Variants in PLXDC2 observed in about 807,000 individuals in gnomAD.
PLXDC2 encodes plexin domain-containing protein 2.
PLXDC2 carries 40 observed loss-of-function variants against 68.9 expected under a neutral mutation model. The observed-to-expected ratio is 0.58, with a 90% confidence interval of 0.45 to 0.76. The LOEUF (loss-of-function observed/expected upper bound fraction) is 0.76, where lower values mean the gene tolerates loss of function less well. PLXDC2 is among the 30% of genes least tolerant of loss of function. PLXDC2 has a pLI of 0.00. For synonymous variants in PLXDC2, 243 were observed against 234.2 expected, an observed-to-expected ratio of 1.04 and a Z score of -0.34; for missense variants, 644 against 661.9, an observed-to-expected ratio of 0.97 and a Z score of 0.30.
intron 1 of PLXDC2, among the ~76,000 whole-genome samples, chr10:19,853,668 A>G (rs1289159750): frequency 6.6e-6 from 1 of 151,154 alleles, no homozygotes; most frequent in African/African-American, 2.4e-5. Context: ...GGGGGTTGCA[A>G]TTTCTCGAAA....
At chr10:19,887,955 T>A (rs552338453) in intron 1 of PLXDC2, among the ~76,000 whole-genome samples, 19 of 152,250 alleles carry the variant, frequency 1.2e-4, no homozygotes, top group Non-Finnish European at 2.4e-4. Flanking sequence ...TTTGAATTAC[T>A]TCTGCACAGC....
rs564255100 is a variant in PLXDC2, at chr10:20,251,714, T to C, written c.1473+6209T>C. 2.6e-5 allele frequency among the ~76,000 whole-genome samples: 4 copies of C among 152,290 alleles called. No homozygotes were observed. The South Asian group carries it at 8.3e-4, about 32-fold the overall frequency. On this transcript the variant is annotated intron_variant, in intron 13 of 13. Coordinates refer to ENST00000377252, the MANE Select transcript of PLXDC2 (RefSeq NM_032812.9). Reference sequence around the variant, plus strand: ...AATCAACATTCCTATGAAAGGATTCTATTTGGACTATAACGAAATAGTTTA... The same window carrying C: ...AATCAACATTCCTATGAAAGGATTCCATTTGGACTATAACGAAATAGTTTA...
rs142138650 is a variant in PLXDC2 at position 19,925,626 on chromosome 10, G to T, written c.113-76149G>T. Among the ~76,000 whole-genome samples the T allele has an allele frequency of 9.3e-3, 1,417 of 152,212 alleles. 9 individuals carry two copies. Among genetic ancestry groups the T allele is most frequent in the Admixed American group, 0.018 (278 of 15,288 alleles). On this transcript the variant is annotated intron_variant, in intron 1 of 13. Coordinates refer to ENST00000377252, the MANE Select transcript of PLXDC2 (RefSeq NM_032812.9). ...CATTTTTTCCTATTGTTCTCATATT[G>T]TGGGGAGACATTGGTTGTGAGAGTA...
At chr10:20,186,810 C>G (rs1834690902) in intron 9 of PLXDC2, among the ~76,000 whole-genome samples, 1 of 151,886 alleles carries the variant, frequency 6.6e-6, no homozygotes, top group Non-Finnish European at 1.5e-5. Context: ...TTTATCCAGT[C>G]TACCATTGAT....
At chr10:20,247,319 A>T (rs1835611765) in intron 13 of PLXDC2, among the ~76,000 whole-genome samples, 1 of 151,630 alleles carries the variant, frequency 6.6e-6, no homozygotes. Flanking sequence ...AAAGAAAAAA[A>T]GAAAAAAATG....
At chr10:20,095,728 A>G (rs1833341179) in intron 4 of PLXDC2, among the ~76,000 whole-genome samples, 1 of 152,150 alleles carries the variant, frequency 6.6e-6, no homozygotes, top group African/African-American at 2.4e-5. Context: ...TATTTTAGGC[A>G]GACGAGTTGT....
chr10:20,147,362 A>G (rs2131797134), intron 5 of PLXDC2, among the ~76,000 whole-genome samples: 1 of 152,358 alleles, frequency 6.6e-6, no homozygotes, highest in South Asian at 2.1e-4. Flanking sequence ...AGACATTTTC[A>G]GGTCTTTTGT....
intron 9 of PLXDC2, among the ~76,000 whole-genome samples, chr10:20,192,323 T>C (rs1176600786): frequency 6.6e-6 from 1 of 152,062 alleles, no homozygotes; most frequent in Non-Finnish European, 1.5e-5. Context: ...AACGTTTTAC[T>C]AGCTTATGTG....
intron 3 of PLXDC2, among the ~76,000 whole-genome samples, chr10:20,058,289 C>T (rs1836036266): frequency 6.6e-6 from 1 of 152,106 alleles, no homozygotes; most frequent in Middle Eastern, 3.2e-3. Context: ...AACGTTTCAT[C>T]CTAACATGCT....
intron 1 of PLXDC2, among the ~76,000 whole-genome samples, chr10:19,907,374 T>C (rs1043903135): frequency 2.0e-5 from 3 of 152,322 alleles, no homozygotes; most frequent in South Asian, 2.1e-4. Flanking sequence ...GTTTATGATG[T>C]CCTCACCCTC....
At chr10:20,146,890 T>C (rs1834088101) in intron 5 of PLXDC2, among the ~76,000 whole-genome samples, 1 of 152,148 alleles carries the variant, frequency 6.6e-6, no homozygotes, top group African/African-American at 2.4e-5. Context: ...TAAGATTTGC[T>C]CTTTTAGTTC....
intron 12 of PLXDC2, among the ~76,000 whole-genome samples, chr10:20,221,673 A>G (rs1835214179): frequency 6.6e-6 from 1 of 152,232 alleles, no homozygotes; most frequent in East Asian, 1.9e-4. Context: ...AAGGATTACC[A>G]ATTTAAATCT....
At chr10:20,003,280 G>T (rs1834972692) in intron 2 of PLXDC2, among the ~76,000 whole-genome samples, 1 of 152,194 alleles carries the variant, frequency 6.6e-6, no homozygotes, top group Non-Finnish European at 1.5e-5. Context: ...CTCAGGCACG[G>T]CTTCGGCTGC....
intron 9 of PLXDC2, among the ~76,000 whole-genome samples, chr10:20,204,697 G>A (rs1306133891): frequency 1.3e-5 from 2 of 152,124 alleles, no homozygotes; most frequent in Non-Finnish European, 2.9e-5. Flanking sequence ...CCACTTTCTG[G>A]TTTTATAAAG....
chr10:20,189,931 A>G (rs1364543103), intron 9 of PLXDC2, among the ~76,000 whole-genome samples: 2 of 151,880 alleles, frequency 1.3e-5, no homozygotes, highest in African/African-American at 4.8e-5. Context: ...CGGAAGAAAT[A>G]GGTGCTTAAG....
At chr10:19,969,697 A>G (rs1834318645) in intron 1 of PLXDC2, among the ~76,000 whole-genome samples, 1 of 152,238 alleles carries the variant, frequency 6.6e-6, no homozygotes, top group Admixed American at 6.5e-5. Context: ...ATTTCAGTTA[A>G]TATGGTAAGA....
At chr10:19,996,197 T>G (rs1290068403) in intron 1 of PLXDC2, among the ~76,000 whole-genome samples, 1 of 152,148 alleles carries the variant, frequency 6.6e-6, no homozygotes. Flanking sequence ...TCCCAGCACT[T>G]TGGGAGGCCA....
chr10:20,049,192 G>T lies in PLXDC2; in HGVS notation c.471+2177G>T, dbSNP rs188567432. Among the ~76,000 whole-genome samples the T allele has an allele frequency of 5.4e-4, 82 of 152,084 alleles. 2 individuals carry two copies. The East Asian group carries it at 0.015, about 28-fold the overall frequency. On this transcript the variant is annotated intron_variant, in intron 3 of 13. Transcript: ENST00000377252. ...ATGTTAAAAACACTCAAGAAACTAG[G>T]CATGGAAGGAACATACCTCAAAGTA... is the stretch of plus-strand genomic sequence containing the variant.
intron 1 of PLXDC2, among the ~76,000 whole-genome samples, chr10:19,839,635 G>GT (rs1554838987): frequency 0.27 from 39,543 of 147,166 alleles, 5,775 homozygotes; most frequent in African/African-American, 0.39. Flanking sequence ...ACATGTTGGT[G>GT]TTTTTTTTTT....
Sources: allele counts gnomAD v4.1 joint callset (sites outside exome capture counted in the v4.1 genomes callset), GRCh38; gene constraint gnomAD v4.1.1; transcripts MANE v1.5; gene names NCBI Gene and HGNC (gene_info 2026-07-23, HGNC 2026-07-21).